Variants in AGAP1 observed in about 807,000 individuals in gnomAD.
The protein encoded by AGAP1 is ArfGAP with GTPase domain, ankyrin repeat and PH domain 1, also known as arf-GAP with GTPase, ANK repeat and PH domain-containing protein 1.
In AGAP1, 29 loss-of-function variants were observed where a neutral mutation model predicts 105.3. The observed-to-expected ratio is 0.28, with a 90% CI of 0.21 to 0.38. The LOEUF (loss-of-function observed/expected upper bound fraction) is 0.38, where lower values mean the gene tolerates loss of function less well. Among genes scored for constraint, AGAP1 ranks in the 10% least tolerant of loss-of-function variants. The probability of loss-of-function intolerance (pLI) is 1.00; values close to 1 mark genes in which losing one functional copy is unlikely to be tolerated. For synonymous variants in AGAP1, 509 were observed against 485.9 expected (o/e 1.05, Z -0.63); for missense variants, 998 against 1,165.1 (o/e 0.86, Z 2.09).
At position 235,635,317 on chromosome 2, in the gene AGAP1, A is replaced by G. The variant is rs755650998; in HGVS notation, c.164-73862A>G. ...TAGCAGAGGATGAAGCACTCCCGTG[A>G]GTGAGCTGCGCACAGTCTCCTTGTA... On this transcript the variant is annotated intron_variant, in intron 1 of 17. Transcript: ENST00000304032. This position sits in a 1 kb window ranked among gnomAD's most constrained non-coding sequence, Gnocchi z 5.3. Among the ~76,000 whole-genome samples the G allele has an allele frequency of 3.3e-5, 5 of 152,182 alleles. No homozygotes were observed. The highest frequency in any genetic ancestry group is 6.5e-5 in the Admixed American group (1 of 15,276).
chr2:235,580,846 T>G (rs973636031), intron 1 of AGAP1, among the ~76,000 whole-genome samples: 1 of 152,162 alleles, frequency 6.6e-6, no homozygotes, highest in Admixed American at 6.5e-5. Context: ...GAGGTGATCA[T>G]CCTGTCTCTG....
At chr2:236,094,514 T>A (rs2059145685) in intron 16 of AGAP1, among the ~76,000 whole-genome samples, 1 of 151,610 alleles carries the variant, frequency 6.6e-6, no homozygotes. Context: ...ACCACGACCA[T>A]CTAGTTTTTG....
chr2:235,976,775 G>A lies in AGAP1; in HGVS notation c.1645+8152G>A, dbSNP rs958665531. Among the ~76,000 whole-genome samples the A allele has an allele frequency of 2.0e-5, 3 of 152,138 alleles. No homozygotes were observed. Among genetic ancestry groups the A allele is most frequent in the African/African-American group, 4.8e-5 (2 of 41,428 alleles). ...CCAGCTGCCTGGAGGACCTCAGGGA[G>A]GTTCCCCAAAGGGGAGTAGACACTC... On this transcript the variant is annotated intron_variant, in intron 13 of 17. Coordinates refer to ENST00000304032, the MANE Select transcript of AGAP1 (RefSeq NM_001037131.3). This position sits in a 1 kb window ranked among gnomAD's most constrained non-coding sequence, Gnocchi z 4.5.
intron 16 of AGAP1, among the ~76,000 whole-genome samples, chr2:236,060,728 A>G (rs909830162): frequency 1.3e-5 from 2 of 152,038 alleles, no homozygotes; most frequent in Admixed American, 6.6e-5. Context: ...AAAAAAGAAT[A>G]CTTAAAACTC....
intron 1 of AGAP1, among the ~76,000 whole-genome samples, chr2:235,704,749 C>T (rs1950439935): frequency 6.6e-6 from 1 of 152,190 alleles, no homozygotes. Flanking sequence ...GGCGAGCAGG[C>T]TCTGAGCAAC....
At position 235,789,472 on chromosome 2, in the gene AGAP1, C is replaced by T. The variant is rs180990299; in HGVS notation, c.674-8287C>T. On this transcript the variant is annotated intron_variant, in intron 6 of 17. Transcript: ENST00000304032. This position sits in a 1 kb window ranked among gnomAD's most constrained non-coding sequence, Gnocchi z 4.2. ...TGAAGATAAATTTGTTTTAATACAACGAGATAAAAAGAATACAGACAAGAA... is the reference window on the plus strand; with the variant it reads ...TGAAGATAAATTTGTTTTAATACAATGAGATAAAAAGAATACAGACAAGAA... 5.3e-5 allele frequency among the ~76,000 whole-genome samples: 8 copies of T among 152,088 alleles called. No homozygotes were observed. Among genetic ancestry groups the T allele is most frequent in the South Asian group, 2.1e-4 (1 of 4,818 alleles).
chr2:235,960,586 TG>T lies in AGAP1; in HGVS notation c.1484-7874del, dbSNP rs1209188619. ...TGGCCCCTGCTATCGGCGTGCTTAC[TG>T]GAGATGCGATTCCCCTCTTCCTTCT... On this transcript the variant is annotated intron_variant, in intron 12 of 17. Transcript: ENST00000304032. This position sits in a 1 kb window ranked among gnomAD's most constrained non-coding sequence, Gnocchi z 4.9. 6.6e-6 allele frequency among the ~76,000 whole-genome samples: 1 copy of T among 152,184 alleles called. No individual in the cohort carries two copies. The highest frequency in any genetic ancestry group is 1.9e-4 in the East Asian group (1 of 5,180).
intron 16 of AGAP1, among the ~76,000 whole-genome samples, chr2:236,072,744 G>A (rs927040252): frequency 1.3e-5 from 2 of 152,114 alleles, no homozygotes; most frequent in East Asian, 1.9e-4. Context: ...ACAGGAGTGA[G>A]GCACTGCATC....
rs548993585 is a variant in AGAP1, at chr2:236,115,769, C to T, written c.2115-4423C>T. Among the ~76,000 whole-genome samples, 4 of 152,238 alleles carry T rather than the reference C, an allele frequency of 2.6e-5. No individual in the cohort carries two copies. The South Asian group carries it at 8.3e-4, about 32-fold the overall frequency. ...CGAGAAAACACTGAAATATAGCAGT[C>T]CCAAAGGACTCAGAAGTCAGCATTG... is the stretch of plus-strand genomic sequence containing the variant. On this transcript the variant is annotated intron_variant, in intron 16 of 17. Transcript: ENST00000304032.
At position 235,830,440 on chromosome 2, in the gene AGAP1, G is replaced by T. The variant is rs1464092667; in HGVS notation, c.1050+23109G>T. On this transcript the variant is annotated intron_variant, in intron 9 of 17. Coordinates refer to ENST00000304032, the MANE Select transcript of AGAP1 (RefSeq NM_001037131.3). The surrounding 1 kb of genome is among the most constrained non-coding windows in gnomAD (Gnocchi z 5.5). ...GATTGCAGGCACTTCAAAGCCGTCAGTTCCATTCATTGTTTTTCAAAGTAT... is the reference window on the plus strand; with the variant it reads ...GATTGCAGGCACTTCAAAGCCGTCATTTCCATTCATTGTTTTTCAAAGTAT... Among the ~76,000 whole-genome samples, 1 of 152,204 alleles carries T rather than the reference G, an allele frequency of 6.6e-6. No individual in the cohort carries two copies. The highest frequency in any genetic ancestry group is 6.5e-5 in the Admixed American group (1 of 15,280).
chr2:235,863,306 AAAGT>A (rs2049014222), intron 9 of AGAP1, among the ~76,000 whole-genome samples: 1 of 152,252 alleles, frequency 6.6e-6, no homozygotes, highest in African/African-American at 2.4e-5. Context: ...TACATGAGAA[AAAGT>A]AAGAAGAAAT....
intron 9 of AGAP1, among the ~76,000 whole-genome samples, chr2:235,847,107 C>T (rs1449690713): frequency 3.9e-5 from 6 of 152,154 alleles, no homozygotes; most frequent in South Asian, 2.1e-4. Context: ...CAAGACTCAG[C>T]GACTTTTTGA....
At position 236,126,270 on chromosome 2, in the gene AGAP1, T is replaced by C. The variant is rs1219863125; in HGVS notation, c.*2148T>C. On this transcript the variant is annotated 3_prime_UTR_variant, in exon 18 of 18. Coordinates refer to ENST00000304032, the MANE Select transcript of AGAP1 (RefSeq NM_001037131.3). ...ACTGTGTAGCTATTGTAAATGTGAA[T>C]AGAAAAAAACAGGTCATTGCCTATT... 1.3e-5 allele frequency: 2 copies of C among 152,162 alleles called. No homozygotes were observed. Among genetic ancestry groups the C allele is most frequent in the African/African-American group, 2.4e-5 (1 of 41,448 alleles). 9.4% of individuals were successfully genotyped at this position (152,162 alleles called of 1,614,324 possible). A position where few individuals can be genotyped will look rare whatever the true frequency, so the allele number is the denominator to read the frequency against.
In AGAP1 at chr2:235,555,405, G is replaced by A. The variant is rs953971794; in HGVS notation, c.163+60556G>A. On this transcript the variant is annotated intron_variant, in intron 1 of 17. Coordinates refer to ENST00000304032, the MANE Select transcript of AGAP1 (RefSeq NM_001037131.3). The surrounding 1 kb of genome is among the most constrained non-coding windows in gnomAD (Gnocchi z 5.1). ...TGGCTGGTTCCTGCCAGTGACACAC[G>A]TGGACCTCAAGCAGGTGGATGGGTG... Among the ~76,000 whole-genome samples, 15 of 152,186 alleles carry A rather than the reference G, an allele frequency of 9.9e-5. No individual in the cohort carries two copies. The highest frequency in any genetic ancestry group is 3.9e-4 in the Admixed American group (6 of 15,286).
At position 235,872,122 on chromosome 2, in the gene AGAP1, G is replaced by A. The variant is rs866142863; in HGVS notation, c.1051-11223G>A. Among the ~76,000 whole-genome samples, 7 of 152,092 alleles carry A rather than the reference G, an allele frequency of 4.6e-5. No individual in the cohort carries two copies. Among genetic ancestry groups the A allele is most frequent in the Non-Finnish European group, 7.3e-5 (5 of 68,030 alleles). On this transcript the variant is annotated intron_variant, in intron 9 of 17. Coordinates refer to ENST00000304032, the MANE Select transcript of AGAP1 (RefSeq NM_001037131.3). The surrounding 1 kb of genome is among the most constrained non-coding windows in gnomAD (Gnocchi z 4.5). ...CATACTCTTTGGAACCCAGTTAAAG[G>A]TGTCATATCAATTCCTGTCCATGAA...
In AGAP1 at chr2:236,113,110, G is replaced by A. The variant is rs558856654; in HGVS notation, c.2115-7082G>A. On this transcript the variant is annotated intron_variant, in intron 16 of 17. Transcript: ENST00000304032. This position sits in a 1 kb window ranked among gnomAD's most constrained non-coding sequence, Gnocchi z 4.3. ...AATACGGCCACCACTCTGCCGTCAC[G>A]TGTGCATCTTGTTCCACATTAGATA... Among the ~76,000 whole-genome samples, 10 of 152,208 alleles carry A rather than the reference G, an allele frequency of 6.6e-5. No homozygotes were observed. The East Asian group carries it at 1.4e-3, about 21-fold the overall frequency.
chr2:235,984,859 A>C (rs2055245209), intron 13 of AGAP1, among the ~76,000 whole-genome samples: 3 of 152,006 alleles, frequency 2.0e-5, no homozygotes, highest in Non-Finnish European at 2.9e-5. Flanking sequence ...TCATTGTTGG[A>C]CATTTGGGTT....
chr2:235,502,916 A>G (rs1043328037), intron 1 of AGAP1, among the ~76,000 whole-genome samples: 1 of 147,418 alleles, frequency 6.8e-6, no homozygotes, highest in African/African-American at 2.5e-5. Context: ...TGAAAGGCAG[A>G]ACCGTACCTT....
At chr2:235,670,183 C>G (rs2149355506) in intron 1 of AGAP1, 2 of 586,346 alleles carry the variant, frequency 3.4e-6, no homozygotes, top group African/African-American at 1.9e-5. Context: ...GAAAGACTGT[C>G]TACCGCATCT....
Sources: allele counts gnomAD v4.1 joint callset (sites outside exome capture counted in the v4.1 genomes callset), GRCh38; gene constraint gnomAD v4.1.1; non-coding constraint Gnocchi (gnomAD v3.1); transcripts MANE v1.5; gene names NCBI Gene and HGNC (gene_info 2026-07-23, HGNC 2026-07-21).